Variants in ELAVL2 observed in about 807,000 individuals in gnomAD.
ELAVL2 encodes the protein ELAV-like protein 2.
ELAVL2 carries 4 observed loss-of-function variants against 34.6 expected under a neutral mutation model. The observed-to-expected ratio is 0.12, with a 90% CI of 0.06 to 0.26. The LOEUF is 0.26. Among genes scored for constraint, ELAVL2 ranks in the 10% least tolerant of loss-of-function variants. ELAVL2 has a pLI of 1.00. For missense variants in ELAVL2, 432 were observed against 442.8 expected, an observed-to-expected ratio of 0.98 and a Z score of 0.22; for synonymous variants, 193 against 154.8, an observed-to-expected ratio of 1.25 and a Z score of -1.83.
chr9:23,787,731 G>A (rs1588509901), intron 1 of ELAVL2, among the ~76,000 whole-genome samples: 1 of 152,018 alleles, frequency 6.6e-6, no homozygotes, highest in Admixed American at 6.6e-5. Flanking sequence ...TCTCTCCTAA[G>A]GGCCCAGATA....
At chr9:23,755,928 C>T (rs938524106) in intron 2 of ELAVL2, among the ~76,000 whole-genome samples, 2 of 152,088 alleles carry the variant, frequency 1.3e-5, no homozygotes, top group African/African-American at 2.4e-5. Flanking sequence ...AACTGACATA[C>T]AAAATCACAT....
intron 1 of ELAVL2, among the ~76,000 whole-genome samples, chr9:23,787,825 G>A (rs1489111947): frequency 6.6e-6 from 1 of 152,132 alleles, no homozygotes; most frequent in Non-Finnish European, 1.5e-5. Context: ...TAAGACAAGT[G>A]GACTATCAGC....
At chr9:23,746,935 C>A (rs1339298661) in intron 2 of ELAVL2, among the ~76,000 whole-genome samples, 2 of 151,958 alleles carry the variant, frequency 1.3e-5, no homozygotes, top group Non-Finnish European at 2.9e-5. Flanking sequence ...TACTTTACAT[C>A]TTCGCTCAAC....
At chr9:23,749,102 A>G (rs1167353215) in intron 2 of ELAVL2, among the ~76,000 whole-genome samples, 2 of 152,224 alleles carry the variant, frequency 1.3e-5, no homozygotes, top group Non-Finnish European at 2.9e-5. Context: ...ATGTCACTGA[A>G]CTGTAAACTT....
intron 3 of ELAVL2, among the ~76,000 whole-genome samples, chr9:23,723,790 G>C (rs928885006): frequency 6.6e-6 from 1 of 152,086 alleles, no homozygotes; most frequent in Non-Finnish European, 1.5e-5. Flanking sequence ...CCTGTGAGCT[G>C]TTATAAGGGT....
rs981822741 is a variant in ELAVL2 at position 23,781,351 on chromosome 9, A to C, written c.-15-19102T>G. On this transcript the variant is annotated intron_variant, in intron 1 of 6. Coordinates refer to ENST00000397312, the MANE Select transcript of ELAVL2 (RefSeq NM_004432.5). ...CAAATTAATGGTCAAAGATACACAT[A>C]AACACACACACTCCAGGCTTTGCTT... Among the ~76,000 whole-genome samples the C allele has an allele frequency of 2.6e-5, 4 of 152,150 alleles. No homozygotes were observed. In the South Asian group the frequency reaches 8.3e-4, roughly 32 times the overall value.
intron 3 of ELAVL2, among the ~76,000 whole-genome samples, chr9:23,724,113 G>C (rs1005561896): frequency 1.3e-5 from 2 of 152,264 alleles, no homozygotes; most frequent in Non-Finnish European, 1.5e-5. Context: ...GCCATGAGGG[G>C]CTATGATACC....
chr9:23,762,227 G>A lies in ELAVL2; in HGVS notation c.8C>T (p.Thr3Ile). Reference protein sequence around the residue: METQLSNGPTCNN... With the variant: MEIQLSNGPTCNN... ...GCAAGTTGGCCCATTAGACAGTTGT[G>A]TTTCCATGGCAGCAATTACCTGCTA... Residue 3 changes from threonine to isoleucine, a missense_variant, in exon 2 of 7, where the codon ACA becomes ATA. By Grantham distance (89) the Thr-to-Ile change is moderately conservative. Around this residue, in one of 3 missense-constraint regions of ELAVL2, gnomAD observed 132 missense variants for 118.3 expected, o/e 1.12. Coordinates refer to ENST00000397312, the MANE Select transcript of ELAVL2 (RefSeq NM_004432.5). The A allele has an allele frequency of 6.2e-7, 1 of 1,613,370 alleles. No individual in the cohort carries two copies. Among genetic ancestry groups the A allele is most frequent in the Non-Finnish European group, 8.5e-7 (1 of 1,179,544 alleles).
At chr9:23,773,385 C>T (rs1455920351) in intron 1 of ELAVL2, among the ~76,000 whole-genome samples, 5 of 152,138 alleles carry the variant, frequency 3.3e-5, no homozygotes, top group Non-Finnish European at 7.4e-5. Flanking sequence ...CCATCTCACC[C>T]AGCATAGAGC....
chr9:23,718,207 A>G (rs2042795218), intron 3 of ELAVL2, among the ~76,000 whole-genome samples: 1 of 152,180 alleles, frequency 6.6e-6, no homozygotes, highest in Admixed American at 6.5e-5. Flanking sequence ...AAAAATTCCT[A>G]ACAAATAATC....
At chr9:23,731,892 CA>C (rs1243147496) in intron 2 of ELAVL2, among the ~76,000 whole-genome samples, 2 of 152,156 alleles carry the variant, frequency 1.3e-5, no homozygotes, top group African/African-American at 2.4e-5. Flanking sequence ...CTCCCCCCAT[CA>C]TCTGAGCCCT....
chr9:23,813,474 C>A (rs1427952454), intron 1 of ELAVL2, among the ~76,000 whole-genome samples: 1 of 148,976 alleles, frequency 6.7e-6, no homozygotes, highest in Non-Finnish European at 1.5e-5. Flanking sequence ...CTCACAACAT[C>A]AGCAATGAGG....
In ELAVL2 at chr9:23,692,481, C is replaced by T; in HGVS notation, c.*76G>A. On this transcript the variant is annotated 3_prime_UTR_variant, in exon 7 of 7. Coordinates refer to ENST00000397312, the MANE Select transcript of ELAVL2 (RefSeq NM_004432.5). ...CAACACTGACTTACAAAGACATTTA[C>T]TAATGTATAAAGTTTCTCTTAACTT... 7.1e-7 allele frequency: 1 copy of T among 1,417,268 alleles called. No individual in the cohort carries two copies. 87.8% of individuals were successfully genotyped at this position (1,417,268 alleles called of 1,614,324 possible).
At chr9:23,798,210 G>C (rs1185479896) in intron 1 of ELAVL2, among the ~76,000 whole-genome samples, 1 of 152,190 alleles carries the variant, frequency 6.6e-6, no homozygotes, top group Non-Finnish European at 1.5e-5. Flanking sequence ...ATTTATCTGA[G>C]GAGACAGTTC....
Position 23,757,758 on chromosome 9 carries a change from T to A in ELAVL2, c.229+4248A>T, listed in dbSNP as rs567568721. Reference sequence around the variant, plus strand: ...AAAGAGACGGACCTGACAAATAACATAATAAATAGAACTTAGTCTAGAGAG... The same window carrying A: ...AAAGAGACGGACCTGACAAATAACAAAATAAATAGAACTTAGTCTAGAGAG... On this transcript the variant is annotated intron_variant, in intron 2 of 6. Transcript: ENST00000397312. 2.6e-3 allele frequency among the ~76,000 whole-genome samples: 392 copies of A among 152,120 alleles called. 1 individual carries two copies. Among genetic ancestry groups the A allele is most frequent in the African/African-American group, 8.1e-3 (338 of 41,522 alleles).
the ELAVL2 span, among the ~76,000 whole-genome samples, chr9:23,844,703 C>T: frequency 6.6e-6 from 1 of 152,080 alleles, no homozygotes; most frequent in South Asian, 2.1e-4. Context: ...TTTATAATCT[C>T]TATTTTTAAA....
intron 3 of ELAVL2, 25 bp from the exon 4 acceptor site, chr9:23,705,096 T>C (rs766261753): frequency 4.3e-6 from 7 of 1,613,144 alleles, no homozygotes; most frequent in Non-Finnish European, 5.1e-6. Context: ...TAAAATTAAA[T>C]GTATATGCAT....
At chr9:23,714,239 A>T (rs765293933) in intron 3 of ELAVL2, among the ~76,000 whole-genome samples, 1 of 152,196 alleles carries the variant, frequency 6.6e-6, no homozygotes, top group East Asian at 1.9e-4. Flanking sequence ...CAAAAACTCA[A>T]GGAATACTAT....
intron 1 of ELAVL2, among the ~76,000 whole-genome samples, chr9:23,814,473 G>A (rs777310359): frequency 5.3e-4 from 81 of 152,232 alleles, no homozygotes; most frequent in Middle Eastern, 3.4e-3. Context: ...AATTCCTTGC[G>A]GAGACTATGG....
Sources: allele counts gnomAD v4.1 joint callset (sites outside exome capture counted in the v4.1 genomes callset), GRCh38; gene constraint gnomAD v4.1.1; regional missense constraint gnomAD v4.1.1; transcripts MANE v1.5; gene names NCBI Gene and HGNC (gene_info 2026-07-23, HGNC 2026-07-21).